MAP3K2: variants seen among roughly 807,000 people sequenced by gnomAD.
MAP3K2 encodes MAP/ERK kinase kinase 2.
In MAP3K2, 24 loss-of-function variants were observed where a neutral mutation model predicts 80.3. That is an observed-to-expected ratio of 0.30 (90% CI 0.22 to 0.42). MAP3K2 has a LOEUF of 0.42. Ranked by LOEUF, MAP3K2 falls within the 10% of genes least tolerant of loss-of-function variation. MAP3K2 has a pLI of 1.00. For synonymous variants in MAP3K2, 244 were observed against 253.7 expected (o/e 0.96, Z 0.36); for missense variants, 608 against 750.1 (o/e 0.81, Z 2.21).
chr2:127,324,318 A>G lies in MAP3K2; in HGVS notation c.678-77T>C, dbSNP rs921653987. On this transcript the variant is annotated intron_variant, in intron 9 of 16. Transcript: ENST00000682094. Reference sequence around the variant, plus strand: ...AAAAGAAAATCTTTGAGCAATATCTATATCTATCTGTGCCTCTCTGTATGT... The same window carrying G: ...AAAAGAAAATCTTTGAGCAATATCTGTATCTATCTGTGCCTCTCTGTATGT... The G allele has an allele frequency of 1.8e-5, 15 of 823,244 alleles. No homozygotes were observed. In the Middle Eastern group the frequency reaches 9.2e-4, roughly 51 times the overall value. 51.0% of individuals were successfully genotyped at this position (823,244 alleles called of 1,614,324 possible).
At chr2:127,312,395 C>T (rs1179676360) in intron 15 of MAP3K2, among the ~76,000 whole-genome samples, 1 of 152,194 alleles carries the variant, frequency 6.6e-6, no homozygotes, top group East Asian at 1.9e-4. Flanking sequence ...AACCAATCAA[C>T]TATCTTCCTT....
rs1558969503 is a variant in MAP3K2, at chr2:127,300,646, T to C, written c.*6933A>G. On this transcript the variant is annotated 3_prime_UTR_variant, in exon 17 of 17. Coordinates refer to ENST00000682094, the MANE Select transcript of MAP3K2 (RefSeq NM_001371910.2). ...TAGCAAATTTTAAAACCAATAACAA[T>C]AGAAAAAATGTAAACCATTTACTAA... 1 of 152,128 alleles carries C rather than the reference T, an allele frequency of 6.6e-6. No individual in the cohort carries two copies. Among genetic ancestry groups the C allele is most frequent in the South Asian group, 2.1e-4 (1 of 4,836 alleles). The allele number at this position is 152,128 out of a possible 1,614,324, so 9.4% of individuals were successfully genotyped here.
rs57472022 is a variant in MAP3K2 at position 127,319,650 on chromosome 2, C to CAAAAAAAA, written c.1046-1341_1046-1334dup. On this transcript the variant is annotated intron_variant, in intron 12 of 16. Transcript: ENST00000682094. ...TGAAACCCCATCTCTACTAAAAATACAAAAAAAAAAAAAAAAAAAAAAAAA... is the reference window on the plus strand; with the variant it reads ...TGAAACCCCATCTCTACTAAAAATACAAAAAAAAAAAAAAAAAAAAAAAAAAAAAAAAA... Among the ~76,000 whole-genome samples, 516 of 71,850 alleles carry CAAAAAAAA rather than the reference C, an allele frequency of 7.2e-3. 2 individuals are homozygous for CAAAAAAAA. Among genetic ancestry groups the CAAAAAAAA allele is most frequent in the East Asian group, 8.9e-3 (20 of 2,258 alleles). The allele number at this position is 71,850 out of a possible 152,430, so 47.1% of individuals were successfully genotyped here.
rs1482245594 is a variant in MAP3K2 at position 127,317,765 on chromosome 2, A to G, written c.1195-5T>C. On this transcript the variant is annotated splice_region_variant and splice_polypyrimidine_tract_variant and intron_variant, in intron 13 of 16. Coordinates refer to ENST00000682094, the MANE Select transcript of MAP3K2 (RefSeq NM_001371910.2). ...ACACTCAAGTGCATTTACTTCCTGA[A>G]AGAGAGAATTCATTGTTAAGTCTTC... 1 of 1,597,816 alleles carries G rather than the reference A, an allele frequency of 6.3e-7. No homozygotes were observed. The highest frequency in any genetic ancestry group is 1.7e-5 in the Admixed American group (1 of 57,842).
rs571629384 is a variant in MAP3K2 at position 127,298,783 on chromosome 2, A to G, written c.*8796T>C. ...AAGCCTTTGCACCACAATCTTTCAA[A>G]AAAATGAACATGTAAGAAAAAGCAG... On this transcript the variant is annotated 3_prime_UTR_variant, in exon 17 of 17. Transcript: ENST00000682094. 13 of 152,362 alleles carry G rather than the reference A, an allele frequency of 8.5e-5. No individual in the cohort carries two copies. Among genetic ancestry groups the G allele is most frequent in the Admixed American group, 3.9e-4 (6 of 15,304 alleles). 9.4% of individuals were successfully genotyped at this position (152,362 alleles called of 1,614,324 possible). A position where few individuals can be genotyped will look rare whatever the true frequency, so the allele number is the denominator to read the frequency against.
rs1196096873 is a variant in MAP3K2 at position 127,339,542 on chromosome 2, C to T, written c.5-492G>A. 6.6e-6 allele frequency among the ~76,000 whole-genome samples: 1 copy of T among 152,206 alleles called. No homozygotes were observed. Among genetic ancestry groups the T allele is most frequent in the African/African-American group, 2.4e-5 (1 of 41,466 alleles). On this transcript the variant is annotated intron_variant, in intron 2 of 16. Coordinates refer to ENST00000682094, the MANE Select transcript of MAP3K2 (RefSeq NM_001371910.2). The surrounding 1 kb of genome is among the most constrained non-coding windows in gnomAD (Gnocchi z 4.2). ...CAAAGAAAAGCTTCACCTGTGGATA[C>T]TGGCCTACTGTATTTGGAAATGCTC...
chr2:127,369,241 T>G (rs1279685003), intron 1 of MAP3K2, among the ~76,000 whole-genome samples: 1 of 149,976 alleles, frequency 6.7e-6, no homozygotes, highest in Non-Finnish European at 1.5e-5. Context: ...TGAGCCACCG[T>G]GCTCGGCCAT....
intron 12 of MAP3K2, among the ~76,000 whole-genome samples, chr2:127,319,213 C>T (rs1267115683): frequency 6.8e-6 from 1 of 146,514 alleles, no homozygotes; most frequent in Non-Finnish European, 1.5e-5. Flanking sequence ...TAAAGACCCA[C>T]TGAGGCTAGG....
intron 1 of MAP3K2, among the ~76,000 whole-genome samples, chr2:127,346,175 A>G (rs979286664): frequency 6.6e-6 from 1 of 151,410 alleles, no homozygotes; most frequent in Non-Finnish European, 1.5e-5. Context: ...CAGAAATAAA[A>G]AGGATAAGAG....
chr2:127,379,258 A>G (rs1162072866), intron 1 of MAP3K2, among the ~76,000 whole-genome samples: 2 of 152,170 alleles, frequency 1.3e-5, no homozygotes, highest in Non-Finnish European at 2.9e-5. Context: ...TGTACATCAA[A>G]ATAGACAGAA....
intron 1 of MAP3K2, among the ~76,000 whole-genome samples, chr2:127,344,277 T>C (rs1686554664): frequency 6.6e-6 from 1 of 152,086 alleles, no homozygotes. Flanking sequence ...ATATATCTTT[T>C]CCATGCATGC....
At chr2:127,388,347 AG>A, upstream of MAP3K2, 3 of 985,484 alleles carry the variant, frequency 3.0e-6, no homozygotes, top group Non-Finnish European at 3.6e-6. Context: ...GCCCAAGGGT[AG>A]CAGAGCTAGC....
chr2:127,341,488 A>C (rs1489206414), intron 2 of MAP3K2, among the ~76,000 whole-genome samples: 5 of 148,734 alleles, frequency 3.4e-5, no homozygotes. Context: ...CCATAAGTAC[A>C]CTTACGTACT....
intron 1 of MAP3K2, among the ~76,000 whole-genome samples, chr2:127,353,295 G>A (rs969941774): frequency 6.6e-6 from 1 of 151,642 alleles, no homozygotes; most frequent in Non-Finnish European, 1.5e-5. Flanking sequence ...GATGTGGGGA[G>A]GGCCTCTGCC....
Position 127,359,273 on chromosome 2 carries a change from A to G in MAP3K2, c.-65-16079T>C, listed in dbSNP as rs185464126. Among the ~76,000 whole-genome samples, 14 of 152,342 alleles carry G rather than the reference A, an allele frequency of 9.2e-5. 2 individuals are homozygous for G. The highest frequency in any genetic ancestry group is 5.8e-4 in the East Asian group (3 of 5,190). On this transcript the variant is annotated intron_variant, in intron 1 of 16. Coordinates refer to ENST00000682094, the MANE Select transcript of MAP3K2 (RefSeq NM_001371910.2). ...GGTACGACACTAACGCAAGATGTTA[A>G]TAACAGGGGAAACCAGGAGGGGAGT... is the stretch of plus-strand genomic sequence containing the variant.
In MAP3K2 at chr2:127,300,413, T is replaced by A. The variant is rs1376476499; in HGVS notation, c.*7166A>T. 7 of 152,132 alleles carry A rather than the reference T, an allele frequency of 4.6e-5. No homozygotes were observed. Among genetic ancestry groups the A allele is most frequent in the Non-Finnish European group, 1.0e-4 (7 of 67,988 alleles). The allele number at this position is 152,132 out of a possible 1,614,324, so 9.4% of individuals were successfully genotyped here. A position where few individuals can be genotyped will look rare whatever the true frequency, so the allele number is the denominator to read the frequency against. On this transcript the variant is annotated 3_prime_UTR_variant, in exon 17 of 17. Transcript: ENST00000682094. ...AATAGGTTAAATATAGAGAATTTAA[T>A]GGCTACATTTAAAAATGTACATTAT...
At chr2:127,329,349 A>G (rs1257883242) in intron 7 of MAP3K2, among the ~76,000 whole-genome samples, 3 of 144,112 alleles carry the variant, frequency 2.1e-5, no homozygotes, top group Non-Finnish European at 3.0e-5. Flanking sequence ...CCTCCATTCT[A>G]TTTGTACAAT....
intron 1 of MAP3K2, among the ~76,000 whole-genome samples, chr2:127,370,030 GGA>G (rs1398648582): frequency 2.6e-5 from 4 of 151,210 alleles, no homozygotes; most frequent in Admixed American, 2.6e-4. Flanking sequence ...GGTAACAAGG[GGA>G]TGTAAAGAAA....
intron 1 of MAP3K2, among the ~76,000 whole-genome samples, chr2:127,368,930 T>G (rs1374259625): frequency 6.6e-6 from 1 of 151,772 alleles, no homozygotes; most frequent in African/African-American, 2.4e-5. Flanking sequence ...GTGACTAGTA[T>G]TATTATTCTC....
Sources: allele counts gnomAD v4.1 joint callset (sites outside exome capture counted in the v4.1 genomes callset), GRCh38; gene constraint gnomAD v4.1.1; non-coding constraint Gnocchi (gnomAD v3.1); transcripts MANE v1.5; gene names NCBI Gene and HGNC (gene_info 2026-07-23, HGNC 2026-07-21).